The following BCAR1 variants were observed in gnomAD, a reference collection of about 807,000 sequenced individuals.
BCAR1 encodes BCAR1 scaffold protein, Cas family member, also known as breast cancer anti-estrogen resistance protein 1.
In BCAR1, 30 loss-of-function variants were observed where a neutral mutation model predicts 67.6. That is an observed-to-expected ratio of 0.44 (90% confidence interval 0.33 to 0.60). The LOEUF is 0.60. BCAR1 is among the 20% of genes least tolerant of loss of function. The probability of loss-of-function intolerance (pLI) is 0.02; values close to 1 mark genes in which losing one functional copy is unlikely to be tolerated. For missense variants in BCAR1, 1,313 were observed against 1,222.3 expected, an observed-to-expected ratio of 1.07 and a Z score of -1.11; for synonymous variants, 626 against 556.7, an observed-to-expected ratio of 1.12 and a Z score of -1.75.
At position 75,235,359 on chromosome 16, in the gene BCAR1, C is replaced by T. The variant is rs775699055; in HGVS notation, c.1540G>A (p.Ala514Thr). The stretch of plus-strand genomic sequence containing the variant: ...GCAAACTCCAACAGCTCGTGGACGG[C>T]ACTCTGGACAGCGGCCACAGCAGCC... ...LQAAVAAVQSAVHELLEFARS... is the reference protein window; with the variant it reads ...LQAAVAAVQSTVHELLEFARS... Residue 514 changes from alanine to threonine, a missense_variant, in exon 5 of 7, where the codon GCC (alanine) becomes ACC (threonine). Physicochemically the swap from Ala to Thr is moderately conservative, Grantham distance 58 (BLOSUM62 0). This residue lies in a region of BCAR1 where 1,272 missense variants were observed against 1,137.5 expected (regional missense o/e 1.12). Transcript: ENST00000162330. 1.9e-6 allele frequency: 3 copies of T among 1,601,996 alleles called. No homozygotes were observed. The highest frequency in any genetic ancestry group is 1.1e-5 in the South Asian group (1 of 90,936).
chr16:75,239,245 G>A (rs1228494476), intron 2 of BCAR1, among the ~76,000 whole-genome samples: 5 of 152,186 alleles, frequency 3.3e-5, no homozygotes, highest in Admixed American at 2.0e-4. Context: ...TCCCCCGGGG[G>A]TTAGGGGAAC....
intron 1 of BCAR1, chr16:75,249,013 C>T (rs184422723): frequency 8.8e-4 from 135 of 152,666 alleles, no homozygotes; most frequent in Non-Finnish European, 1.4e-3. Context: ...CAGGCACTGT[C>T]CCTAAGAGGC....
chr16:75,250,368 C>T (rs2077640866), intron 1 of BCAR1, among the ~76,000 whole-genome samples: 1 of 152,216 alleles, frequency 6.6e-6, no homozygotes, highest in Non-Finnish European at 1.5e-5. Context: ...CCACCCAACT[C>T]TCCACCGAGG....
intron 1 of BCAR1, among the ~76,000 whole-genome samples, chr16:75,259,624 G>A (rs901036540): frequency 2.6e-5 from 4 of 151,966 alleles, no homozygotes; most frequent in Non-Finnish European, 5.9e-5. Context: ...AGGCGAAAGC[G>A]GGCGGATCAC....
At chr16:75,243,447 G>C in intron 1 of BCAR1, 1 of 567,178 alleles carries the variant, frequency 1.8e-6, no homozygotes, top group Non-Finnish European at 3.4e-6. Context: ...TCACGACAAA[G>C]CTGCCAAGTT....
intron 6 of BCAR1, among the ~76,000 whole-genome samples, chr16:75,233,368 G>C (rs2151395282): frequency 1.3e-5 from 2 of 150,204 alleles, no homozygotes; most frequent in East Asian, 3.9e-4. Context: ...ACAAGATTCT[G>C]TGTCAAAAAA....
intron 1 of BCAR1, chr16:75,264,308 G>A: frequency 7.0e-7 from 1 of 1,435,710 alleles, no homozygotes; most frequent in South Asian, 1.4e-5. Context: ...AGGCTGGGAT[G>A]TGGCCAGAGT....
At chr16:75,251,421 G>C in intron 1 of BCAR1, 50 bp downstream of exon 1, 1 of 1,477,082 alleles carries the variant, frequency 6.8e-7, no homozygotes, top group Non-Finnish European at 9.0e-7. Context: ...CTTCCAGCCC[G>C]CTGCCGCCTC....
intron 1 of BCAR1, among the ~76,000 whole-genome samples, chr16:75,257,537 C>T (rs2077807461): frequency 6.6e-6 from 1 of 152,204 alleles, no homozygotes; most frequent in Non-Finnish European, 1.5e-5. Context: ...TCACTGCAGC[C>T]TCAACCTCCT....
At chr16:75,248,946 C>A in intron 1 of BCAR1, 1 of 152,520 alleles carries the variant, frequency 6.6e-6, no homozygotes, top group Non-Finnish European at 1.5e-5. Flanking sequence ...GCCTTTATGC[C>A]CAGGGCCAGC....
chr16:75,249,231 CCT>C (rs1050133447), intron 1 of BCAR1: 1 of 152,304 alleles, frequency 6.6e-6, no homozygotes, highest in Non-Finnish European at 1.5e-5. Context: ...GAGGCTGACC[CCT>C]GACTTCAGGG....
chr16:75,236,190 C>T, intron 4 of BCAR1: 1 of 634,478 alleles, frequency 1.6e-6, no homozygotes, highest in South Asian at 2.1e-5. Flanking sequence ...GCAGCCCTAG[C>T]ACACACATCC....
chr16:75,265,209 G>A (rs975121912), intron 1 of BCAR1: 5 of 152,462 alleles, frequency 3.3e-5, no homozygotes, highest in African/African-American at 9.6e-5. Context: ...AAACTTCCCA[G>A]GAAAGTGAGC....
Sources: gnomAD v4.1 joint callset for allele counts (sites outside exome capture counted in the v4.1 genomes callset) on GRCh38, gnomAD v4.1.1 for gene constraint, gnomAD v4.1.1 regional missense constraint, MANE v1.5 for transcripts, NCBI Gene and HGNC (gene_info 2026-07-23, HGNC 2026-07-21) for gene names.